The following TIAM2 variants were observed in gnomAD, a reference collection of about 807,000 sequenced individuals.
The protein encoded by TIAM2 is rho guanine nucleotide exchange factor TIAM2.
A neutral mutation model predicts 152.9 loss-of-function variants in TIAM2; 80 were observed. The ratio of observed to expected loss-of-function variants is 0.52; its 90% confidence interval spans 0.44 to 0.63. The LOEUF (loss-of-function observed/expected upper bound fraction) is 0.63. Among genes scored for constraint, TIAM2 ranks in the 30% least tolerant of loss-of-function variants. TIAM2 has a pLI of 0.00. For missense variants in TIAM2, 1,965 were observed against 2,120.1 expected, an observed-to-expected ratio of 0.93 and a Z score of 1.44; for synonymous variants, 804 against 838.0, an observed-to-expected ratio of 0.96 and a Z score of 0.70.
chr6:155,078,315 G>A (rs1049979569), intron 1 of TIAM2, among the ~76,000 whole-genome samples: 5 of 152,130 alleles, frequency 3.3e-5, no homozygotes, highest in African/African-American at 9.7e-5. Context: ...GAAAGTGCTG[G>A]GATTACAGGT....
At chr6:155,102,204 G>T (rs1051859603) in intron 2 of TIAM2, among the ~76,000 whole-genome samples, 5 of 151,000 alleles carry the variant, frequency 3.3e-5, no homozygotes, top group African/African-American at 1.2e-4. Flanking sequence ...TGGCCAGGCT[G>T]GTCTTGGACT....
intron 2 of TIAM2, among the ~76,000 whole-genome samples, chr6:155,105,983 A>ATT (rs1554230734): frequency 1.4e-5 from 2 of 140,524 alleles, no homozygotes; most frequent in Admixed American, 7.4e-5. Flanking sequence ...GGGTATTTTT[A>ATT]TTTATTTTAT....
rs533863823 is a variant in TIAM2, at chr6:155,200,565, A to G, written c.3065-10639A>G. Among the ~76,000 whole-genome samples the G allele has an allele frequency of 1.7e-3, 265 of 152,272 alleles. 2 individuals are homozygous for G. Among genetic ancestry groups the G allele is most frequent in the Non-Finnish European group, 3.2e-3 (220 of 68,032 alleles). On this transcript the variant is annotated intron_variant, in intron 14 of 26. Transcript: ENST00000682666. ...GCAACCATCACTACCGTCTAATTCC[A>G]CAATATTTTTATTCCCTCAAAAAAG...
chr6:155,142,225 A>G (rs1007110800), intron 5 of TIAM2, among the ~76,000 whole-genome samples: 5 of 152,228 alleles, frequency 3.3e-5, no homozygotes, highest in Admixed American at 6.5e-5. Flanking sequence ...ACTTGATGTC[A>G]TAGAGTTAAG....
chr6:155,114,052 T>A (rs1173926701), intron 2 of TIAM2, among the ~76,000 whole-genome samples: 1,953 of 87,112 alleles, frequency 0.022, 81 homozygotes, highest in African/African-American at 0.066. Context: ...TTTTTTTTCT[T>A]TTTTTTTTTT....
rs762735239 is a variant in TIAM2, at chr6:155,130,379, T to C, written c.1156T>C (p.Trp386Arg). The C allele has an allele frequency of 6.2e-7, 1 of 1,613,994 alleles. No individual in the cohort carries two copies. Among genetic ancestry groups the C allele is most frequent in the South Asian group, 1.1e-5 (1 of 91,076 alleles). Residue 386 changes from tryptophan (W) to arginine (R), a missense_variant, in exon 4 of 27, where the codon TGG (tryptophan) becomes CGG (arginine). Physicochemically the swap from Trp to Arg is moderately radical, Grantham distance 101. Coordinates refer to ENST00000682666, the MANE Select transcript of TIAM2 (RefSeq NM_012454.4). ...LKARMRRISD[W>R]TGSLSRKKRK... Reference sequence around the variant, plus strand: ...AGCCAGGATGCGACGGATCAGTGACTGGACGGGAAGCCTCTCAAGGAAGAA... The same window carrying C: ...AGCCAGGATGCGACGGATCAGTGACCGGACGGGAAGCCTCTCAAGGAAGAA...
intron 7 of TIAM2, among the ~76,000 whole-genome samples, chr6:155,158,332 C>T (rs1780174768): frequency 1.3e-5 from 2 of 152,178 alleles, no homozygotes; most frequent in African/African-American, 4.8e-5. Flanking sequence ...TTCATTAAAT[C>T]AGTAAAGCTG....
intron 2 of TIAM2, among the ~76,000 whole-genome samples, chr6:155,103,723 CAAA>C (rs759945340): frequency 7.9e-4 from 47 of 59,852 alleles, no homozygotes; most frequent in African/African-American, 2.7e-3. Flanking sequence ...GACTCTGTCT[CAAA>C]AAAAAAAAAA....
intron 8 of TIAM2, among the ~76,000 whole-genome samples, 197 bp downstream of exon 8, chr6:155,164,797 T>C (rs1780376914): frequency 1.3e-5 from 2 of 152,206 alleles, no homozygotes. Flanking sequence ...GTTTCTCTAC[T>C]GCTTATTCTA....
chr6:155,185,016 T>C (rs536476213), intron 14 of TIAM2, among the ~76,000 whole-genome samples: 3 of 152,286 alleles, frequency 2.0e-5, no homozygotes, highest in East Asian at 1.9e-4. Flanking sequence ...ACCTGTGTTA[T>C]GTCTCTATGT....
chr6:155,028,045 CTG>C (rs1225605199), intron 1 of TIAM2, among the ~76,000 whole-genome samples: 1 of 111,832 alleles, frequency 8.9e-6, no homozygotes. Context: ...AATATATGTA[CTG>C]TGTTACATAT....
At chr6:155,210,617 A>G (rs1312635463) in intron 14 of TIAM2, among the ~76,000 whole-genome samples, 1 of 152,264 alleles carries the variant, frequency 6.6e-6, no homozygotes, top group Admixed American at 6.5e-5. Context: ...GATTACGGGC[A>G]TGAGCCACCA....
chr6:155,067,376 G>A (rs1777718859), intron 1 of TIAM2, among the ~76,000 whole-genome samples: 1 of 152,042 alleles, frequency 6.6e-6, no homozygotes, highest in South Asian at 2.1e-4. Flanking sequence ...TATTAGAGTC[G>A]GAACTCACAT....
intron 1 of TIAM2, among the ~76,000 whole-genome samples, chr6:155,082,666 C>CAATAAATAAATA (rs200019932): frequency 0.084 from 11,818 of 141,136 alleles, 575 homozygotes; most frequent in East Asian, 0.13. Context: ...AAAAAAACCC[C>CAATAAATAAATA]AATAAATAAA....
chr6:155,091,481 A>G (rs960811099), intron 2 of TIAM2, among the ~76,000 whole-genome samples: 2 of 152,218 alleles, frequency 1.3e-5, no homozygotes, highest in Non-Finnish European at 2.9e-5. Flanking sequence ...ATGGTGAGAT[A>G]CTTATTCACA....
intron 3 of TIAM2, among the ~76,000 whole-genome samples, chr6:155,127,893 A>G (rs1244996824): frequency 2.0e-5 from 3 of 152,212 alleles, no homozygotes; most frequent in East Asian, 1.9e-4. Flanking sequence ...CTAGCTGGGC[A>G]TGGTGGCATG....
chr6:155,211,873 T>C (rs1781730833), intron 15 of TIAM2, among the ~76,000 whole-genome samples: 1 of 152,204 alleles, frequency 6.6e-6, no homozygotes, highest in South Asian at 2.1e-4. Context: ...AATAACTCTC[T>C]ATTTCCCCTG....
At chr6:155,005,000 C>A in intron 1 of TIAM2, 1 of 480,546 alleles carries the variant, frequency 2.1e-6, no homozygotes, top group Non-Finnish European at 3.2e-6. Context: ...GCCATTTGCC[C>A]CATGTGAAGA....
chr6:155,029,683 A>G (rs1415168817), intron 1 of TIAM2, among the ~76,000 whole-genome samples: 1 of 138,166 alleles, frequency 7.2e-6, no homozygotes, highest in Non-Finnish European at 1.5e-5. Context: ...ACAGAGTTAT[A>G]TAACTATATA....
Sources: gnomAD v4.1 joint callset for allele counts (sites outside exome capture counted in the v4.1 genomes callset) on GRCh38, gnomAD v4.1.1 for gene constraint, MANE v1.5 for transcripts, NCBI Gene and HGNC (gene_info 2026-07-23, HGNC 2026-07-21) for gene names.